The following GOLGA4 variants were observed in gnomAD, a reference collection of about 807,000 sequenced individuals.
GOLGA4 encodes golgin A4, also known as golgin subfamily A member 4.
A neutral mutation model predicts 265.9 loss-of-function variants in GOLGA4; 169 were observed. The observed-to-expected ratio is 0.64, with a 90% confidence interval of 0.56 to 0.72. The LOEUF is 0.72. Among genes scored for constraint, GOLGA4 ranks in the 30% least tolerant of loss-of-function variants. The probability of loss-of-function intolerance (pLI) is 0.00; values close to 1 mark genes in which losing one functional copy is unlikely to be tolerated. For missense variants in GOLGA4, 2,482 were observed against 2,483.4 expected (o/e 1.00, Z 0.01); for synonymous variants, 923 against 855.8 (o/e 1.08, Z -1.37).
chr3:37,313,019 A>G (rs1487134453), intron 10 of GOLGA4, among the ~76,000 whole-genome samples: 1 of 152,142 alleles, frequency 6.6e-6, no homozygotes, highest in East Asian at 1.9e-4. Context: ...CTTGGCCAAT[A>G]TGGTGAAACC....
Position 37,243,609 on chromosome 3 carries a change from T to C in GOLGA4, c.59T>C (p.Leu20Pro), listed in dbSNP as rs1232993669. ...SEEQQQLQQA[L>P]APAQASSNSS... ...GAGCAGCAGCAGCTCCAGCAGGCGC[T>C]GGCTCCTGCTCAGGTACGATGGCCG... Residue 20 changes from leucine (L) to proline (P), a missense_variant, in exon 1 of 24, where the codon CTG becomes CCG. By Grantham distance (98) the Leu-to-Pro change is moderately conservative. This residue lies in a region of GOLGA4 where 1,536 missense variants were observed against 1,483.7 expected (regional missense o/e 1.04). Coordinates refer to ENST00000361924, the MANE Select transcript of GOLGA4 (RefSeq NM_002078.5). 2.5e-6 allele frequency: 4 copies of C among 1,612,470 alleles called. No individual in the cohort carries two copies. The highest frequency in any genetic ancestry group is 3.4e-6 in the Non-Finnish European group (4 of 1,179,032).
intron 20 of GOLGA4, among the ~76,000 whole-genome samples, chr3:37,342,672 A>G (rs1055124401): frequency 1.9e-4 from 29 of 152,130 alleles, no homozygotes; most frequent in African/African-American, 6.0e-4. Context: ...GTTCATTTCC[A>G]TTATATTAAT....
At chr3:37,268,938 T>G (rs2096790896) in intron 2 of GOLGA4, among the ~76,000 whole-genome samples, 1 of 152,134 alleles carries the variant, frequency 6.6e-6, no homozygotes, top group African/African-American at 2.4e-5. Flanking sequence ...GAATAAAAAT[T>G]TAGTGAGGGT....
chr3:37,244,849 A>G (rs1159258192), intron 1 of GOLGA4, among the ~76,000 whole-genome samples: 2 of 152,240 alleles, frequency 1.3e-5, no homozygotes, highest in Non-Finnish European at 2.9e-5. Flanking sequence ...CATACCATCT[A>G]TTGCAGTCAT....
At position 37,256,060 on chromosome 3, in the gene GOLGA4, TG is replaced by T. The variant is rs2096747804; in HGVS notation, c.162+4578del. Among the ~76,000 whole-genome samples, 8 of 152,276 alleles carry T rather than the reference TG, an allele frequency of 5.3e-5. No homozygotes were observed. In the South Asian group the frequency reaches 1.7e-3, roughly 32 times the overall value. ...GAGCCCAGGAAATGGTTTTTCAATA[TG>T]GTGTGAAGTAGGGATCAAGTTTCAT... On this transcript the variant is annotated intron_variant, in intron 2 of 23. Coordinates refer to ENST00000361924, the MANE Select transcript of GOLGA4 (RefSeq NM_002078.5).
chr3:37,288,300 G>A (rs2150802484), intron 4 of GOLGA4, among the ~76,000 whole-genome samples: 1 of 150,594 alleles, frequency 6.6e-6, no homozygotes, highest in African/African-American at 2.4e-5. Flanking sequence ...AAGTAGAGAT[G>A]GGGTTTCACT....
At chr3:37,353,039 CAG>C (rs1228953736) in intron 21 of GOLGA4, among the ~76,000 whole-genome samples, 6 of 151,958 alleles carry the variant, frequency 3.9e-5, no homozygotes, top group Admixed American at 1.3e-4. Context: ...TACTGTGACT[CAG>C]GGAATAGAGA....
chr3:37,318,310 G>A (rs1023193635), intron 11 of GOLGA4, among the ~76,000 whole-genome samples: 19 of 152,080 alleles, frequency 1.2e-4, no homozygotes, highest in African/African-American at 4.3e-4. Context: ...GCCTCCCAAA[G>A]TGCTGGGATT....
intron 9 of GOLGA4, among the ~76,000 whole-genome samples, chr3:37,301,523 T>C (rs2096892566): frequency 6.6e-6 from 1 of 152,376 alleles, no homozygotes; most frequent in East Asian, 1.9e-4. Flanking sequence ...CAAGCCAGGT[T>C]CAGAAGACTA....
intron 10 of GOLGA4, among the ~76,000 whole-genome samples, chr3:37,313,270 C>T (rs779932967): frequency 6.6e-6 from 1 of 152,172 alleles, no homozygotes; most frequent in Admixed American, 6.5e-5. Flanking sequence ...AACTAAGTTG[C>T]ATTTCTCTGT....
intron 1 of GOLGA4, chr3:37,245,371 A>T (rs960675573): frequency 3.9e-5 from 6 of 152,468 alleles, no homozygotes; most frequent in African/African-American, 1.4e-4. Context: ...TAGAGTCTTC[A>T]GAAAAGTATT....
At chr3:37,336,184 C>A (rs1234830307) in intron 17 of GOLGA4, among the ~76,000 whole-genome samples, 1 of 152,120 alleles carries the variant, frequency 6.6e-6, no homozygotes, top group Admixed American at 6.5e-5. Context: ...TCTTTAATAG[C>A]TAAGTTAGTT....
chr3:37,293,011 A>G (rs571090735), intron 5 of GOLGA4, among the ~76,000 whole-genome samples: 21 of 152,228 alleles, frequency 1.4e-4, no homozygotes, highest in Non-Finnish European at 2.2e-4. Context: ...TGCTCGGGCA[A>G]TTCTTAGTGT....
At chr3:37,271,621 C>G (rs2096798908) in intron 2 of GOLGA4, among the ~76,000 whole-genome samples, 1 of 152,160 alleles carries the variant, frequency 6.6e-6, no homozygotes, top group African/African-American at 2.4e-5. Flanking sequence ...CGTACCACTA[C>G]CATTTTGCCT....
At chr3:37,253,817 G>A (rs1303126109) in intron 2 of GOLGA4, among the ~76,000 whole-genome samples, 1 of 152,084 alleles carries the variant, frequency 6.6e-6, no homozygotes. Flanking sequence ...GAGGCCAGGA[G>A]TTCGAGACCA....
At chr3:37,290,769 G>A (rs2096862489) in intron 5 of GOLGA4, among the ~76,000 whole-genome samples, 1 of 152,110 alleles carries the variant, frequency 6.6e-6, no homozygotes. Flanking sequence ...GTATGCATGG[G>A]GATTAGGCGT....
rs116258926 is a variant in GOLGA4, at chr3:37,304,449, A to G, written c.1234+2117A>G. On this transcript the variant is annotated intron_variant, in intron 10 of 23. Transcript: ENST00000361924. Reference sequence around the variant, plus strand: ...AGTAGATGGCATCTTTCAGAATATAATCTTTGAAGACTGACTTGAAGCAGT... The same window carrying G: ...AGTAGATGGCATCTTTCAGAATATAGTCTTTGAAGACTGACTTGAAGCAGT... Among the ~76,000 whole-genome samples the G allele has an allele frequency of 3.4e-3, 523 of 152,310 alleles. 4 individuals are homozygous for G. Among genetic ancestry groups the G allele is most frequent in the African/African-American group, 0.012 (509 of 41,556 alleles).
intron 2 of GOLGA4, chr3:37,276,042 A>C: frequency 1.2e-6 from 2 of 1,612,844 alleles, no homozygotes; most frequent in Non-Finnish European, 1.7e-6. Context: ...AGCAACAGAA[A>C]GGATGAGACA....
chr3:37,329,339 C>T, intron 16 of GOLGA4: 1 of 278,668 alleles, frequency 3.6e-6, no homozygotes. Flanking sequence ...AGTATTGAAG[C>T]AACAGTAGAT....
Sources: gnomAD v4.1 joint callset for allele counts (sites outside exome capture counted in the v4.1 genomes callset) on GRCh38, gnomAD v4.1.1 for gene constraint, gnomAD v4.1.1 regional missense constraint, MANE v1.5 for transcripts, NCBI Gene and HGNC (gene_info 2026-07-23, HGNC 2026-07-21) for gene names.